Variants in UNC79 observed in about 807,000 individuals in gnomAD.
UNC79 encodes the protein protein unc-79 homolog.
In UNC79, 37 loss-of-function variants were observed where a neutral mutation model predicts 283.1. The ratio of observed to expected loss-of-function variants is 0.13; its 90% CI spans 0.10 to 0.17. The LOEUF is 0.17. Among genes scored for constraint, UNC79 ranks in the 10% least tolerant of loss-of-function variants. The pLI, the probability that UNC79 is intolerant of heterozygous loss-of-function variation, is 1.00. For synonymous variants in UNC79, 1,107 were observed against 1,200.2 expected (o/e 0.92, Z 1.61); for missense variants, 2,272 against 3,211.1 (o/e 0.71, Z 7.07).
At chr14:93,580,824 G>A (rs2063752759) in intron 19 of UNC79, among the ~76,000 whole-genome samples, 1 of 152,018 alleles carries the variant, frequency 6.6e-6, no homozygotes, top group Non-Finnish European at 1.5e-5. Context: ...TCCCACTTCA[G>A]CCTCCCAAGA....
intron 1 of UNC79, among the ~76,000 whole-genome samples, chr14:93,336,141 C>G (rs533917456): frequency 6.6e-6 from 1 of 152,218 alleles, no homozygotes; most frequent in South Asian, 2.1e-4. Flanking sequence ...CCTGGAAATA[C>G]AGGATGGAAG....
rs1255335213 is a variant in UNC79, at chr14:93,690,962, T to C, written c.7272+659T>C. On this transcript the variant is annotated intron_variant, in intron 45 of 48. Transcript: ENST00000555664. This position sits in a 1 kb window ranked among gnomAD's most constrained non-coding sequence, Gnocchi z 4.3. ...GGCAAGTTCTGGGAGGTCACATTGG[T>C]CTTGGGGACAGCTCGGGTTTGGGAC... 6.5e-6 allele frequency: 1 copy of C among 153,158 alleles called. No individual in the cohort carries two copies. Among genetic ancestry groups the C allele is most frequent in the Admixed American group, 6.5e-5 (1 of 15,452 alleles). 9.5% of individuals were successfully genotyped at this position (153,158 alleles called of 1,614,324 possible).
chr14:93,475,950 G>A (rs1391944264), intron 3 of UNC79, among the ~76,000 whole-genome samples: 5 of 152,094 alleles, frequency 3.3e-5, no homozygotes, highest in African/African-American at 1.2e-4. Flanking sequence ...GAGCTTAGAA[G>A]GTAGGAAAAA....
chr14:93,460,969 T>C (rs1473819483), intron 1 of UNC79, among the ~76,000 whole-genome samples: 1 of 152,180 alleles, frequency 6.6e-6, no homozygotes, highest in Non-Finnish European at 1.5e-5. Context: ...TAAAGTAAAT[T>C]ACGATTCTCT....
chr14:93,583,216 G>A (rs2063942361), intron 20 of UNC79, among the ~76,000 whole-genome samples: 1 of 151,974 alleles, frequency 6.6e-6, no homozygotes, highest in Admixed American at 6.5e-5. Context: ...AGCTACTAGG[G>A]AGATTGAGGC....
intron 7 of UNC79, among the ~76,000 whole-genome samples, chr14:93,503,876 A>G (rs560336920): frequency 5.8e-4 from 88 of 152,030 alleles, no homozygotes; most frequent in African/African-American, 2.0e-3. Context: ...CCAAAATTAT[A>G]ATGCTTTTTT....
intron 34 of UNC79, among the ~76,000 whole-genome samples, chr14:93,646,301 G>A (rs1165285344): frequency 2.0e-5 from 3 of 152,200 alleles, no homozygotes; most frequent in Non-Finnish European, 4.4e-5. Flanking sequence ...ATGGAGAGGA[G>A]CTGGGTCAAA....
chr14:93,706,553 G>A (rs932273928), intron 48 of UNC79, 151 bp from the exon 52 acceptor site: 8 of 778,712 alleles, frequency 1.0e-5, no homozygotes, highest in Non-Finnish European at 1.6e-5. Context: ...CCCCCGCCCT[G>A]GGCACTGCCA....
At chr14:93,392,087 G>A (rs1296487777) in intron 1 of UNC79, among the ~76,000 whole-genome samples, 1 of 152,168 alleles carries the variant, frequency 6.6e-6, no homozygotes, top group Non-Finnish European at 1.5e-5. Context: ...GTATGTACTC[G>A]ACTGAAATAT....
intron 12 of UNC79, among the ~76,000 whole-genome samples, chr14:93,539,743 AT>A (rs1393470988): frequency 1.3e-5 from 2 of 152,074 alleles, no homozygotes; most frequent in East Asian, 3.9e-4. Flanking sequence ...TTATGTTCTA[AT>A]TTTATTTAAA....
rs536276997 is a variant in UNC79, at chr14:93,673,264, G to A, written c.6637-87G>A. The A allele has an allele frequency of 2.8e-5, 32 of 1,142,130 alleles. 1 individual carries two copies. In the South Asian group the frequency reaches 3.4e-4, roughly 12 times the overall value. 70.7% of individuals were successfully genotyped at this position (1,142,130 alleles called of 1,614,324 possible). On this transcript the variant is annotated intron_variant, in intron 40 of 48. Coordinates refer to ENST00000555664, the Ensembl canonical transcript of UNC79. Reference sequence around the variant, plus strand: ...GAATACTGTTTTTTATTTCTGACCCGTGAATTTTTTGGAAGCTCTTTTGAC... The same window carrying A: ...GAATACTGTTTTTTATTTCTGACCCATGAATTTTTTGGAAGCTCTTTTGAC...
intron 7 of UNC79, among the ~76,000 whole-genome samples, chr14:93,500,764 A>G (rs1261766758): frequency 6.6e-6 from 1 of 152,108 alleles, no homozygotes; most frequent in Non-Finnish European, 1.5e-5. Context: ...TGAGCCCCAC[A>G]TTTTTCTACT....
chr14:93,396,407 G>A (rs963033107), intron 1 of UNC79, among the ~76,000 whole-genome samples: 4 of 152,028 alleles, frequency 2.6e-5, no homozygotes, highest in African/African-American at 9.7e-5. Flanking sequence ...AGTGAGTCCA[G>A]TATCTGGGAT....
At chr14:93,490,868 C>T (rs1288133205) in intron 5 of UNC79, among the ~76,000 whole-genome samples, 3 of 152,218 alleles carry the variant, frequency 2.0e-5, no homozygotes, top group African/African-American at 7.2e-5. Flanking sequence ...AGTTCCAAAG[C>T]CACTTCCACA....
chr14:93,611,018 A>G (rs978867837), intron 26 of UNC79, among the ~76,000 whole-genome samples: 1 of 152,236 alleles, frequency 6.6e-6, no homozygotes, highest in Admixed American at 6.5e-5. Flanking sequence ...TATATTATGA[A>G]CCACATGCTG....
At chr14:93,589,542 C>T (rs2064501646) in intron 22 of UNC79, among the ~76,000 whole-genome samples, 1 of 152,016 alleles carries the variant, frequency 6.6e-6, no homozygotes, top group Non-Finnish European at 1.5e-5. Flanking sequence ...GTGAATGAGA[C>T]CAGGGCTTGA....
At chr14:93,343,813 T>C (rs1199786345) in intron 1 of UNC79, among the ~76,000 whole-genome samples, 1 of 152,252 alleles carries the variant, frequency 6.6e-6, no homozygotes, top group Non-Finnish European at 1.5e-5. Flanking sequence ...ATCTCTAGGT[T>C]ATAGCTCTAA....
At chr14:93,339,341 C>T (rs535083330) in intron 1 of UNC79, among the ~76,000 whole-genome samples, 2 of 152,144 alleles carry the variant, frequency 1.3e-5, no homozygotes, top group Admixed American at 6.5e-5. Context: ...ACTGTGTTGC[C>T]CAGGCTGGAG....
chr14:93,345,269 A>T (rs1376463156), intron 1 of UNC79, among the ~76,000 whole-genome samples: 1 of 152,246 alleles, frequency 6.6e-6, no homozygotes, highest in Non-Finnish European at 1.5e-5. Context: ...TAAGCCATCC[A>T]GTCTGTTGTA....
Sources: allele counts gnomAD v4.1 joint callset (sites outside exome capture counted in the v4.1 genomes callset), GRCh38; gene constraint gnomAD v4.1.1; non-coding constraint Gnocchi (gnomAD v3.1); transcripts MANE v1.5; gene names NCBI Gene and HGNC (gene_info 2026-07-23, HGNC 2026-07-21).